ROBO3: variants seen among roughly 807,000 people sequenced by gnomAD.
ROBO3 encodes roundabout guidance receptor 3.
ROBO3 carries 97 observed loss-of-function variants against 160.5 expected under a neutral mutation model. That is an observed-to-expected ratio of 0.60 (90% CI 0.51 to 0.72). The LOEUF (loss-of-function observed/expected upper bound fraction) is 0.72, where lower values mean the gene tolerates loss of function less well. Ranked by LOEUF, ROBO3 falls within the 30% of genes least tolerant of loss-of-function variation. ROBO3 has a pLI of 0.00. For synonymous variants in ROBO3, 780 were observed against 746.2 expected (o/e 1.05, Z -0.74); for missense variants, 1,858 against 1,846.5 (o/e 1.01, Z -0.11).
intron 6 of ROBO3, 75 bp from the exon 7 acceptor site, chr11:124,870,937 TTC>T (rs1316018415): frequency 1.3e-6 from 2 of 1,563,686 alleles, no homozygotes; most frequent in Non-Finnish European, 1.7e-6. Flanking sequence ...AAGCTGGAGC[TTC>T]TCTCTCCTGT....
rs1946187147 is a variant in ROBO3, at chr11:124,865,693, C to A, written c.116C>A (p.Ala39Glu). Residue 39 changes from alanine (A) to glutamate (E), a missense_variant, in exon 1 of 28, where the codon GCG becomes GAG. Coordinates refer to ENST00000397801, the MANE Select transcript of ROBO3 (RefSeq NM_022370.4). The surrounding 1 kb of genome is among the most constrained non-coding windows in gnomAD (Gnocchi z 5.5). ...TTGGGCTTCAACTCCTCGCTGGCGGCGCTCAACCACACCCTGCTGCCTCCC... is the reference window on the plus strand; with the variant it reads ...TTGGGCTTCAACTCCTCGCTGGCGGAGCTCAACCACACCCTGCTGCCTCCC... The part of the protein sequence containing the change: ...LLLGFNSSLA[A>E]LNHTLLPPGD... 1 of 1,611,542 alleles carries A rather than the reference C, an allele frequency of 6.2e-7. No homozygotes were observed. The highest frequency in any genetic ancestry group is 1.1e-5 in the South Asian group (1 of 90,362).
rs775479669 is a variant in ROBO3 at position 124,879,316 on chromosome 11, C to T, written c.3660C>T (p.Ala1220=). ...CACCCCACCTCAGCCCCAGTCCTGC[C>T]CCTAGCACAGCCAGCAGTGCCCCAG... is the stretch of plus-strand genomic sequence containing the variant. ...AASPHLSPSP[A]PSTASSAPGR... The change falls in exon 24 of 28, where the codon GCC becomes GCT. Residue 1220 remains alanine, a synonymous_variant. Transcript: ENST00000397801. The T allele has an allele frequency of 1.9e-6, 3 of 1,609,140 alleles. No homozygotes were observed. The highest frequency in any genetic ancestry group is 1.3e-5 in the African/African-American group (1 of 74,918).
rs755562839 is a variant in ROBO3, at chr11:124,870,694, C to T, written c.999C>T (p.Gly333=). 6.2e-7 allele frequency: 1 copy of T among 1,612,388 alleles called. No homozygotes were observed. The highest frequency in any genetic ancestry group is 8.5e-7 in the Non-Finnish European group (1 of 1,179,332). Residue 333 remains glycine, a synonymous_variant, in exon 6 of 28, where the codon GGC becomes GGT. Transcript: ENST00000397801. The part of the protein sequence containing the change: ...TYTCVAENSV[G]RAEASGSLSV... ...CCTGTGTGGCGGAGAACAGTGTGGG[C>T]CGCGCTGAAGCATCTGGCTCCCTCA... is the stretch of plus-strand genomic sequence containing the variant.
rs899400586 is a variant in ROBO3 at position 124,872,334 on chromosome 11, C to A, written c.1159-47C>A. 1.3e-6 allele frequency: 2 copies of A among 1,572,918 alleles called. No homozygotes were observed. The highest frequency in any genetic ancestry group is 1.7e-6 in the Non-Finnish European group (2 of 1,142,954). Reference sequence around the variant, plus strand: ...GACAGGAATGGGGACCTCTCCCTGCCCAGCTGCCTGCTCATTCCCTACCCT... The same window carrying A: ...GACAGGAATGGGGACCTCTCCCTGCACAGCTGCCTGCTCATTCCCTACCCT... On this transcript the variant is annotated intron_variant, in intron 7 of 27. Transcript: ENST00000397801. The surrounding 1 kb of genome is among the most constrained non-coding windows in gnomAD (Gnocchi z 4.3).
chr11:124,875,101 T>G lies in ROBO3; in HGVS notation c.2074-10T>G. 1.3e-6 allele frequency: 2 copies of G among 1,590,582 alleles called. No individual in the cohort carries two copies. The highest frequency in any genetic ancestry group is 1.7e-6 in the Non-Finnish European group (2 of 1,169,074). On this transcript the variant is annotated splice_polypyrimidine_tract_variant and intron_variant, in intron 13 of 27. Coordinates refer to ENST00000397801, the MANE Select transcript of ROBO3 (RefSeq NM_022370.4). ...TCCCCTTCTGGTGTGCCTTGTCCTG[T>G]CTCCCACAGGTGGATGGCCCAGTCC...
At position 124,876,478 on chromosome 11, in the gene ROBO3, G is replaced by T; in HGVS notation, c.2779+18G>T. 7.3e-7 allele frequency: 1 copy of T among 1,370,084 alleles called. No individual in the cohort carries two copies. Among genetic ancestry groups the T allele is most frequent in the South Asian group, 1.8e-5 (1 of 55,658 alleles). 84.9% of individuals were successfully genotyped at this position (1,370,084 alleles called of 1,614,324 possible). ...CTACACGGGTGAGCTCCCGGCCTCG[G>T]AGCGGACGGATCCGGGAGGGAGCCA... is the stretch of plus-strand genomic sequence containing the variant. On this transcript the variant is annotated intron_variant, in intron 17 of 27. Coordinates refer to ENST00000397801, the MANE Select transcript of ROBO3 (RefSeq NM_022370.4). This position sits in a 1 kb window ranked among gnomAD's most constrained non-coding sequence, Gnocchi z 5.3.
chr11:124,869,434 C>T lies in ROBO3; in HGVS notation c.488-16C>T, dbSNP rs1565309066. The T allele has an allele frequency of 2.2e-6, 3 of 1,358,304 alleles. 1 individual carries two copies. Among genetic ancestry groups the T allele is most frequent in the Admixed American group, 1.9e-5 (1 of 51,502 alleles). The allele number at this position is 1,358,304 out of a possible 1,614,324, so 84.1% of individuals were successfully genotyped here. ...CTCTACACCCTGCTTATTTCGCCCC[C>T]CACCGCCCCGCCCAGTCCTCCGTGA... On this transcript the variant is annotated splice_polypyrimidine_tract_variant and intron_variant, in intron 2 of 27. Transcript: ENST00000397801. This position sits in a 1 kb window ranked among gnomAD's most constrained non-coding sequence, Gnocchi z 4.2.
intron 25 of ROBO3, 39 bp from the exon 26 acceptor site, chr11:124,879,748 A>G: frequency 6.2e-7 from 1 of 1,609,534 alleles, no homozygotes; most frequent in Non-Finnish European, 8.5e-7. Context: ...TAGTGACAGG[A>G]GTGGCAGGAG....
At position 124,870,273 on chromosome 11, in the gene ROBO3, G is replaced by A. The variant is rs199762736; in HGVS notation, c.875G>A (p.Arg292His). The A allele has an allele frequency of 1.8e-5, 29 of 1,613,878 alleles. No individual in the cohort carries two copies. Among genetic ancestry groups the A allele is most frequent in the South Asian group, 1.1e-4 (10 of 91,084 alleles). Residue 292 changes from arginine to histidine, a missense_variant, in exon 5 of 28, where the codon CGC becomes CAC. Arg to His is a conservative substitution (Grantham distance 29). Coordinates refer to ENST00000397801, the MANE Select transcript of ROBO3 (RefSeq NM_022370.4). ...KGDPPPRLRW[R>H]KEDGELPTGR... ...GATCCCCCACCTCGTCTACGCTGGC[G>A]CAAGGAGGATGGGGAACTGCCCACA...
At position 124,873,332 on chromosome 11, in the gene ROBO3, G is replaced by A; in HGVS notation, c.1559G>A (p.Ser520Asn). Reference sequence around the variant, plus strand: ...CAGGAGATGGACATGGGCTTCTACAGCTGCGTGGCCAAGAGTTCCACAGGG... The same window carrying A: ...CAGGAGATGGACATGGGCTTCTACAACTGCGTGGCCAAGAGTTCCACAGGG... Reference protein sequence around the residue: ...NVQEMDMGFYSCVAKSSTGEA... With the variant: ...NVQEMDMGFYNCVAKSSTGEA... The change falls in exon 10 of 28, where the codon AGC becomes AAC. Residue 520 changes from serine to asparagine, a missense_variant. Ser to Asn is a conservative substitution (Grantham distance 46, BLOSUM62 1). Coordinates refer to ENST00000397801, the MANE Select transcript of ROBO3 (RefSeq NM_022370.4). This position sits in a 1 kb window ranked among gnomAD's most constrained non-coding sequence, Gnocchi z 4.5. The A allele has an allele frequency of 6.2e-7, 1 of 1,611,550 alleles. No individual in the cohort carries two copies. The highest frequency in any genetic ancestry group is 8.5e-7 in the Non-Finnish European group (1 of 1,178,994).
In ROBO3 at chr11:124,878,533, G is replaced by A. The variant is rs1271243483; in HGVS notation, c.3321-51G>A. 6.2e-7 allele frequency: 1 copy of A among 1,602,464 alleles called. No individual in the cohort carries two copies. The highest frequency in any genetic ancestry group is 2.2e-5 in the East Asian group (1 of 44,684). ...GGGGCAGCAGGAAGGCCAACGGGAA[G>A]GTATGGAAGCAGCTGAGCCCTTTCC... is the stretch of plus-strand genomic sequence containing the variant. On this transcript the variant is annotated intron_variant, in intron 22 of 27. Coordinates refer to ENST00000397801, the MANE Select transcript of ROBO3 (RefSeq NM_022370.4). The surrounding 1 kb of genome is among the most constrained non-coding windows in gnomAD (Gnocchi z 4.3).
At position 124,875,637 on chromosome 11, in the gene ROBO3, G is replaced by A. The variant is rs1235193855; in HGVS notation, c.2373G>A (p.Trp791Ter). The A allele has an allele frequency of 6.2e-7, 1 of 1,611,016 alleles. No individual in the cohort carries two copies. Among genetic ancestry groups the A allele is most frequent in the Non-Finnish European group, 8.5e-7 (1 of 1,178,744 alleles). Reference sequence around the variant, plus strand: ...GCAACAGCAGTATCACTGTGTCCTGGGAACCTCCACTCCCCTCCCAGCAAA... The same window carrying A: ...GCAACAGCAGTATCACTGTGTCCTGAGAACCTCCACTCCCCTCCCAGCAAA... ...GDGNSSITVSWEPPLPSQQNG... is the reference protein window; with the variant it reads ...GDGNSSITVS Residue 791 changes from tryptophan to a stop codon, truncating the protein, a stop_gained, in exon 15 of 28, where the codon TGG (tryptophan) becomes TGA (stop). Coordinates refer to ENST00000397801, the MANE Select transcript of ROBO3 (RefSeq NM_022370.4). LOFTEE classifies it high-confidence loss of function.
In ROBO3 at chr11:124,878,362, A is replaced by G. The variant is rs1046524776; in HGVS notation, c.3246A>G (p.Pro1082=). The change falls in exon 22 of 28, where the codon CCA becomes CCG. Residue 1082 remains proline (P), a synonymous_variant. Transcript: ENST00000397801. The surrounding 1 kb of genome is among the most constrained non-coding windows in gnomAD (Gnocchi z 4.3). ...TGCAGATGCCCTCTCTGAACTGGCC[A>G]GAAGCCCTGCCCCCACCTCCTCCTT... ...KPVQMPSLNW[P]EALPPPPPSC... The G allele has an allele frequency of 5.0e-6, 8 of 1,613,936 alleles. No individual in the cohort carries two copies. The highest frequency in any genetic ancestry group is 1.3e-5 in the African/African-American group (1 of 75,046).
intron 15 of ROBO3, 40 bp downstream of exon 15, chr11:124,875,725 C>A: frequency 6.4e-7 from 1 of 1,571,722 alleles, no homozygotes; most frequent in South Asian, 1.2e-5. Context: ...AGGGCCAGGC[C>A]GGGAGGGAGA....
intron 20 of ROBO3, 80 bp from the exon 21 acceptor site, chr11:124,877,857 G>A (rs1022645676): frequency 8.2e-7 from 1 of 1,215,884 alleles, no homozygotes; most frequent in East Asian, 2.5e-5. Context: ...TTGATCCCGT[G>A]GGATTTCCCT....
chr11:124,870,735 G>A lies in ROBO3; in HGVS notation c.1033+7G>A, dbSNP rs1432600486. The A allele has an allele frequency of 2.5e-6, 4 of 1,609,472 alleles. No homozygotes were observed. Among genetic ancestry groups the A allele is most frequent in the Non-Finnish European group, 3.4e-6 (4 of 1,178,078 alleles). On this transcript the variant is annotated splice_region_variant and intron_variant, in intron 6 of 27. Transcript: ENST00000397801. Reference sequence around the variant, plus strand: ...GGCTCCCTCAGTGTTCACGGTGAGGGCTGTACTTGGGACTGCCTGCAGCAG... The same window carrying A: ...GGCTCCCTCAGTGTTCACGGTGAGGACTGTACTTGGGACTGCCTGCAGCAG...
At chr11:124,874,009 T>C (rs895797987) in intron 11 of ROBO3, 61 bp from the exon 12 acceptor site, 31 of 1,602,850 alleles carry the variant, frequency 1.9e-5, no homozygotes, top group Non-Finnish European at 2.6e-5. Context: ...GTGGATGAGA[T>C]GGAGTAGGCA....
intron 20 of ROBO3, 21 bp from the exon 21 acceptor site, chr11:124,877,916 C>G: frequency 6.5e-7 from 1 of 1,534,452 alleles, no homozygotes. Context: ...GCTTCCGGGC[C>G]TCCCTCTTTC....
rs1054361319 is a variant in ROBO3 at position 124,876,692 on chromosome 11, G to A, written c.2779+232G>A. The A allele has an allele frequency of 2.2e-5, 9 of 404,076 alleles. No homozygotes were observed. The highest frequency in any genetic ancestry group is 8.3e-5 in the Admixed American group (2 of 23,982). The allele number at this position is 404,076 out of a possible 1,614,324, so 25.0% of individuals were successfully genotyped here. A position where few individuals can be genotyped will look rare whatever the true frequency, so the allele number is the denominator to read the frequency against. On this transcript the variant is annotated intron_variant, in intron 17 of 27. Coordinates refer to ENST00000397801, the MANE Select transcript of ROBO3 (RefSeq NM_022370.4). This position sits in a 1 kb window ranked among gnomAD's most constrained non-coding sequence, Gnocchi z 5.3. ...GGATCTGGATGACGTTTGCCTCTAA[G>A]ACGCCACGAGGAGGCCAGGCTTTGC... is the stretch of plus-strand genomic sequence containing the variant.
Sources: gnomAD v4.1 joint callset for allele counts on GRCh38, gnomAD v4.1.1 for gene constraint, Gnocchi (gnomAD v3.1) non-coding constraint, MANE v1.5 for transcripts, NCBI Gene and HGNC (gene_info 2026-07-23, HGNC 2026-07-21) for gene names.